The following LYSMD2 variants were observed in gnomAD, a reference collection of about 807,000 sequenced individuals.
LYSMD2 encodes the protein LysM domain containing 2.
Under a neutral mutation model 17.7 loss-of-function variants are expected in LYSMD2, and 6 were observed. The observed-to-expected ratio is 0.34, with a 90% CI of 0.19 to 0.67. LYSMD2 has a LOEUF of 0.67. LYSMD2 is among the 30% of genes least tolerant of loss of function. The pLI is 0.69. For missense variants in LYSMD2, 237 were observed against 286.7 expected (o/e 0.83, Z 1.25); for synonymous variants, 102 against 129.8 (o/e 0.79, Z 1.45).
At chr15:51,723,952 C>G (rs528053676) in intron 2 of LYSMD2, among the ~76,000 whole-genome samples, 1 of 150,648 alleles carries the variant, frequency 6.6e-6, no homozygotes, top group Admixed American at 6.6e-5. Context: ...TTTATGTTTT[C>G]TATATTCTAC....
At chr15:51,749,641 G>A (rs2055686688) in intron 1 of LYSMD2, among the ~76,000 whole-genome samples, 1 of 152,172 alleles carries the variant, frequency 6.6e-6, no homozygotes, top group Admixed American at 6.5e-5. Context: ...CTTCCAATAT[G>A]AATGAAATTG....
At chr15:51,741,960 AT>A (rs2141601869), upstream of LYSMD2, among the ~76,000 whole-genome samples, 1 of 149,246 alleles carries the variant, frequency 6.7e-6, no homozygotes, top group South Asian at 2.1e-4. Flanking sequence ...GTATATATAA[AT>A]AATATATATA....
At chr15:51,745,117 A>G (rs1270638184) in intron 1 of LYSMD2, among the ~76,000 whole-genome samples, 1 of 152,174 alleles carries the variant, frequency 6.6e-6, no homozygotes, top group Non-Finnish European at 1.5e-5. Context: ...TGAATTTGTC[A>G]TTTTTAAACC....
chr15:51,738,690 G>A (rs2055628193), upstream of LYSMD2, among the ~76,000 whole-genome samples: 1 of 152,088 alleles, frequency 6.6e-6, no homozygotes, highest in Non-Finnish European at 1.5e-5. Context: ...CGGAGCCTGG[G>A]GGTTTGATTC....
chr15:51,724,687 GA>G (rs779566594), intron 2 of LYSMD2, 102 bp downstream of exon 2: 4 of 646,262 alleles, frequency 6.2e-6, no homozygotes, highest in Non-Finnish European at 9.3e-6. Flanking sequence ...AGAAAGAAAA[GA>G]AAAGAAAAGG....
At chr15:51,737,746 G>A (rs1050305993), upstream of LYSMD2, 68 of 739,822 alleles carry the variant, frequency 9.2e-5, no homozygotes, top group Non-Finnish European at 1.2e-4. This position sits in a 1 kb window ranked among gnomAD's most constrained non-coding sequence, Gnocchi z 4.2. Flanking sequence ...CGGGGGCGGC[G>A]GACGGGAAGC....
At chr15:51,742,783 T>G (rs571684330) in intron 1 of LYSMD2, among the ~76,000 whole-genome samples, 1 of 152,228 alleles carries the variant, frequency 6.6e-6, no homozygotes, top group African/African-American at 2.4e-5. Flanking sequence ...AATAGTCATA[T>G]TTTTTGGTCT....
upstream of LYSMD2, among the ~76,000 whole-genome samples, chr15:51,739,192 T>C (rs1237365194): frequency 6.6e-6 from 1 of 152,232 alleles, no homozygotes; most frequent in Non-Finnish European, 1.5e-5. Context: ...TACCTCTGGT[T>C]TAGTATTTAA....
At chr15:51,724,611 A>AAAGAAATTAAGG (rs1555459008) in intron 2 of LYSMD2, among the ~76,000 whole-genome samples, 179 bp downstream of exon 2, 33 of 147,996 alleles carry the variant, frequency 2.2e-4, no homozygotes, top group Admixed American at 2.0e-3. Flanking sequence ...AGAAAGAAAG[A>AAAGAAATTAAGG]AAGAAATTAA....
chr15:51,743,304 G>C (rs1228700996), intron 1 of LYSMD2, among the ~76,000 whole-genome samples: 2 of 152,156 alleles, frequency 1.3e-5, no homozygotes, highest in Non-Finnish European at 2.9e-5. Context: ...TAATTTTTGT[G>C]AACAGTATAA....
At chr15:51,735,792 G>A (rs529829246) in intron 1 of LYSMD2, among the ~76,000 whole-genome samples, 6 of 152,312 alleles carry the variant, frequency 3.9e-5, no homozygotes, top group South Asian at 2.1e-4. Context: ...AACCACAGAC[G>A]GCTGTGGGTC....
At chr15:51,734,780 C>A (rs542854672) in intron 1 of LYSMD2, among the ~76,000 whole-genome samples, 110 of 152,312 alleles carry the variant, frequency 7.2e-4, no homozygotes, top group African/African-American at 2.4e-3. Flanking sequence ...ACAACAGAAA[C>A]CTAATTTGCT....
At chr15:51,744,692 G>A (rs928033370) in intron 1 of LYSMD2, among the ~76,000 whole-genome samples, 5 of 152,172 alleles carry the variant, frequency 3.3e-5, no homozygotes, top group Admixed American at 2.0e-4. Flanking sequence ...CTCTGCTTCT[G>A]TTTTCTGAAA....
upstream of LYSMD2, among the ~76,000 whole-genome samples, chr15:51,740,855 G>A (rs747441190): frequency 1.3e-5 from 2 of 152,094 alleles, no homozygotes; most frequent in Non-Finnish European, 2.9e-5. Flanking sequence ...AGTGTGTATT[G>A]TATGGAAAAT....
At chr15:51,727,314 C>T (rs781009938) in intron 1 of LYSMD2, among the ~76,000 whole-genome samples, 12 of 152,248 alleles carry the variant, frequency 7.9e-5, no homozygotes, top group Admixed American at 6.5e-5. Context: ...AGCAGCAGAA[C>T]GACCTTACCA....
chr15:51,749,495 CT>C (rs1470804982), intron 1 of LYSMD2, among the ~76,000 whole-genome samples: 1 of 152,222 alleles, frequency 6.6e-6, no homozygotes, highest in Non-Finnish European at 1.5e-5. Context: ...AATCATTCCC[CT>C]GTCTGCTTCC....
Position 51,725,091 on chromosome 15 carries a change from A to G in LYSMD2, c.304T>C (p.Phe102Leu). The change falls in exon 2 of 3, where the codon TTT (phenylalanine) becomes CTT (leucine). Residue 102 changes from phenylalanine (F) to leucine (L), a missense_variant. Phe to Leu is a conservative substitution (Grantham distance 22, BLOSUM62 0). Transcript: ENST00000267838. ...MEQIKRANKL[F>L]TNDCIFLKKT... Reference sequence around the variant, plus strand: ...TTCAGAAATATACAATCATTGGTAAACAGTTTATTGGCCCTTTTAATCTGT... The same window carrying G: ...TTCAGAAATATACAATCATTGGTAAGCAGTTTATTGGCCCTTTTAATCTGT... 1.2e-6 allele frequency: 2 copies of G among 1,609,496 alleles called. No homozygotes were observed. Among genetic ancestry groups the G allele is most frequent in the Non-Finnish European group, 1.7e-6 (2 of 1,176,566 alleles).
upstream of LYSMD2, among the ~76,000 whole-genome samples, chr15:51,741,119 C>G (rs1189140595): frequency 6.6e-6 from 1 of 152,214 alleles, no homozygotes; most frequent in Non-Finnish European, 1.5e-5. Context: ...GAGGCTTACC[C>G]TTATAGCCAT....
intron 1 of LYSMD2, among the ~76,000 whole-genome samples, chr15:51,747,680 T>C (rs550798045): frequency 6.6e-6 from 1 of 152,370 alleles, no homozygotes; most frequent in East Asian, 1.9e-4. Context: ...CTTTTATTTT[T>C]CTTGCAATTT....
Sources: allele counts gnomAD v4.1 joint callset (sites outside exome capture counted in the v4.1 genomes callset), GRCh38; gene constraint gnomAD v4.1.1; non-coding constraint Gnocchi (gnomAD v3.1); transcripts MANE v1.5; gene names NCBI Gene and HGNC (gene_info 2026-07-23, HGNC 2026-07-21).